Variants in ABCC4 observed in about 807,000 individuals in gnomAD.
ABCC4 encodes the protein ATP-binding cassette sub-family C member 4.
Under a neutral mutation model 168.5 loss-of-function variants are expected in ABCC4, and 102 were observed. The observed-to-expected ratio is 0.61, with a 90% CI of 0.52 to 0.71. ABCC4 has a LOEUF of 0.71. Among genes scored for constraint, ABCC4 ranks in the 30% least tolerant of loss-of-function variants. ABCC4 has a pLI of 0.00. For synonymous variants in ABCC4, 617 were observed against 590.7 expected (o/e 1.04, Z -0.65); for missense variants, 1,402 against 1,605.8 (o/e 0.87, Z 2.17).
chr13:95,128,058 G>A (rs1350121791), intron 19 of ABCC4, among the ~76,000 whole-genome samples: 3 of 152,136 alleles, frequency 2.0e-5, no homozygotes, highest in Admixed American at 6.5e-5. Context: ...GTGAGCTTTG[G>A]GCAGCCACAG....
intron 29 of ABCC4, among the ~76,000 whole-genome samples, chr13:95,041,353 C>A (rs559553810): frequency 2.0e-5 from 3 of 152,178 alleles, no homozygotes; most frequent in Non-Finnish European, 2.9e-5. Context: ...TTAATTAGGT[C>A]GCAGTTGTTT....
chr13:95,034,524 G>A, intron 30 of ABCC4, 81 bp downstream of exon 30: 1 of 1,522,886 alleles, frequency 6.6e-7, no homozygotes, highest in South Asian at 1.3e-5. Flanking sequence ...CACAGTGCTT[G>A]TTACCATACC....
intron 1 of ABCC4, among the ~76,000 whole-genome samples, chr13:95,259,603 G>T (rs1366717971): frequency 1.3e-5 from 2 of 152,136 alleles, no homozygotes; most frequent in African/African-American, 4.8e-5. Context: ...TGCCAGGGTG[G>T]CAAAATCACA....
rs773328777 is a variant in ABCC4 at position 95,286,123 on chromosome 13, C to CTTTTTTTTTTTT, written c.74+15106_74+15117dup. The stretch of plus-strand genomic sequence containing the variant: ...GCTGTGAAACTGCTTTCCAGAAAAA[C>CTTTTTTTTTTTT]TTTTTTTTTTTTTTGAGACGGAGTC... On this transcript the variant is annotated intron_variant, in intron 1 of 30. Transcript: ENST00000645237. 8.3e-4 allele frequency among the ~76,000 whole-genome samples: 88 copies of CTTTTTTTTTTTT among 105,552 alleles called. 30 individuals are homozygous for CTTTTTTTTTTTT. Among genetic ancestry groups the CTTTTTTTTTTTT allele is most frequent in the Middle Eastern group, 0.018 (2 of 114 alleles). The allele number at this position is 105,552 out of a possible 152,430, so 69.2% of individuals were successfully genotyped here.
intron 9 of ABCC4, among the ~76,000 whole-genome samples, chr13:95,190,628 A>G (rs1033969521): frequency 1.3e-5 from 2 of 152,236 alleles, no homozygotes; most frequent in African/African-American, 4.8e-5. Flanking sequence ...AGAGTATAGA[A>G]CCTCAACCGT....
At chr13:95,098,608 A>G (rs1168553562) in intron 20 of ABCC4, among the ~76,000 whole-genome samples, 3 of 152,202 alleles carry the variant, frequency 2.0e-5, no homozygotes, top group Non-Finnish European at 4.4e-5. Context: ...TAAAAACCAC[A>G]ATTTGCAAAA....
intron 4 of ABCC4, among the ~76,000 whole-genome samples, chr13:95,212,385 T>TC (rs940171158): frequency 1.3e-4 from 20 of 152,140 alleles, no homozygotes; most frequent in African/African-American, 3.6e-4. Context: ...AAAATGTTAA[T>TC]CCCACATGCA....
intron 19 of ABCC4, among the ~76,000 whole-genome samples, chr13:95,124,530 C>G (rs1304517878): frequency 7.7e-5 from 11 of 142,620 alleles, no homozygotes; most frequent in Admixed American, 4.4e-4. Context: ...GCACTCCAGA[C>G]TGGGCAAGGG....
intron 8 of ABCC4, among the ~76,000 whole-genome samples, chr13:95,195,639 A>G (rs1432178217): frequency 2.0e-5 from 3 of 151,912 alleles, no homozygotes; most frequent in Non-Finnish European, 2.9e-5. Flanking sequence ...TATTATTGTT[A>G]TTATTATTAT....
At chr13:95,047,231 C>T (rs1018583864) in intron 27 of ABCC4, among the ~76,000 whole-genome samples, 1 of 152,168 alleles carries the variant, frequency 6.6e-6, no homozygotes, top group Non-Finnish European at 1.5e-5. Flanking sequence ...GGTATGAGTC[C>T]TGCCTGGCTC....
At chr13:95,044,666 GCTCCTTTATCA>G (rs968522668) in intron 27 of ABCC4, among the ~76,000 whole-genome samples, 4 of 152,204 alleles carry the variant, frequency 2.6e-5, no homozygotes, top group Admixed American at 1.3e-4. Context: ...AACCCAAGAT[GCTCCTTTATCA>G]CCATCAGCAA....
At chr13:95,252,873 C>T (rs190365763) in intron 1 of ABCC4, among the ~76,000 whole-genome samples, 3 of 152,266 alleles carry the variant, frequency 2.0e-5, no homozygotes, top group South Asian at 2.1e-4. Context: ...ACTAGATGAC[C>T]TTTATGTTTC....
intron 25 of ABCC4, among the ~76,000 whole-genome samples, chr13:95,063,930 A>G (rs2033397168): frequency 6.6e-6 from 1 of 152,220 alleles, no homozygotes; most frequent in African/African-American, 2.4e-5. Flanking sequence ...AACGAAGGAC[A>G]TAAAACATGC....
At chr13:95,179,692 C>G (rs1381222291) in intron 11 of ABCC4, among the ~76,000 whole-genome samples, 2 of 152,102 alleles carry the variant, frequency 1.3e-5, no homozygotes, top group East Asian at 3.9e-4. Flanking sequence ...ATTGACTGAG[C>G]TGCATAAGCA....
chr13:95,160,877 AG>A (rs1425483472), intron 19 of ABCC4, among the ~76,000 whole-genome samples: 2 of 152,266 alleles, frequency 1.3e-5, no homozygotes, highest in African/African-American at 2.4e-5. Context: ...ACATGTTTAC[AG>A]GGAATGCAGG....
At chr13:95,174,502 A>G (rs2037596112) in intron 13 of ABCC4, among the ~76,000 whole-genome samples, 1 of 152,218 alleles carries the variant, frequency 6.6e-6, no homozygotes, top group Non-Finnish European at 1.5e-5. Flanking sequence ...GATTCTGATT[A>G]GCAAACAACA....
At chr13:95,153,410 C>T (rs188459753) in intron 19 of ABCC4, among the ~76,000 whole-genome samples, 6 of 152,088 alleles carry the variant, frequency 3.9e-5, no homozygotes, top group South Asian at 4.2e-4. Context: ...AATGGGGGGG[C>T]GTTAAAACCA....
At chr13:95,175,518 G>A (rs146354827) in intron 13 of ABCC4, among the ~76,000 whole-genome samples, 34 of 152,262 alleles carry the variant, frequency 2.2e-4, no homozygotes, top group African/African-American at 8.2e-4. Context: ...TCACAACGTT[G>A]GCCAGGCTGG....
At chr13:95,139,443 A>T (rs1232959637) in intron 19 of ABCC4, among the ~76,000 whole-genome samples, 1 of 152,128 alleles carries the variant, frequency 6.6e-6, no homozygotes, top group East Asian at 1.9e-4. Context: ...CAGAAACTTG[A>T]CCCTGTTACA....
Sources: allele counts gnomAD v4.1 joint callset (sites outside exome capture counted in the v4.1 genomes callset), GRCh38; gene constraint gnomAD v4.1.1; transcripts MANE v1.5; gene names NCBI Gene and HGNC (gene_info 2026-07-23, HGNC 2026-07-21).